The following SNX33 variants were observed in gnomAD, a reference collection of about 807,000 sequenced individuals.
SNX33 encodes the protein sorting nexin-33.
SNX33 carries 19 observed loss-of-function variants against 38.8 expected under a neutral mutation model. The observed-to-expected ratio is 0.49, with a 90% CI of 0.34 to 0.72. The LOEUF is 0.72. Among genes scored for constraint, SNX33 ranks in the 30% least tolerant of loss-of-function variants. The pLI is 0.01. For missense variants in SNX33, 641 were observed against 776.4 expected (o/e 0.83, Z 2.07); for synonymous variants, 246 against 289.7 (o/e 0.85, Z 1.53).
At chr15:75,653,937 C>CA (rs1048029393) in intron 1 of SNX33, among the ~76,000 whole-genome samples, 33 of 151,678 alleles carry the variant, frequency 2.2e-4, no homozygotes, top group African/African-American at 7.0e-4. Flanking sequence ...ACTAAAAATA[C>CA]AAAAAAATAG....
Position 75,648,666 on chromosome 15 carries a change from G to T in SNX33, c.-437G>T. 1 of 407,924 alleles carries T rather than the reference G, an allele frequency of 2.5e-6. No individual in the cohort carries two copies. The highest frequency in any genetic ancestry group is 3.3e-6 in the Non-Finnish European group (1 of 301,394). 25.3% of individuals were successfully genotyped at this position (407,924 alleles called of 1,614,324 possible). A position where few individuals can be genotyped will look rare whatever the true frequency, so the allele number is the denominator to read the frequency against. On this transcript the variant is annotated 5_prime_UTR_variant, in exon 1 of 2. Transcript: ENST00000308527. The surrounding 1 kb of genome is among the most constrained non-coding windows in gnomAD (Gnocchi z 4.4). ...AGAGGGACAGCCGAGCCCTGCCCGG[G>T]TTTCTGGAATGGTGGTTTCAGAGTG...
At position 75,649,119 on chromosome 15, in the gene SNX33, G is replaced by A. The variant is rs866932557; in HGVS notation, c.17G>A (p.Arg6Gln). 49 of 1,597,028 alleles carry A rather than the reference G, an allele frequency of 3.1e-5. No individual in the cohort carries two copies. The highest frequency in any genetic ancestry group is 3.7e-5 in the Non-Finnish European group (43 of 1,168,356). The change falls in exon 1 of 2, where the codon CGA (arginine) becomes CAA (glutamine). Residue 6 changes from arginine to glutamine, a missense_variant. By Grantham distance (43) the Arg-to-Gln change is conservative. Coordinates refer to ENST00000308527, the MANE Select transcript of SNX33 (RefSeq NM_153271.2). The surrounding 1 kb of genome is among the most constrained non-coding windows in gnomAD (Gnocchi z 6.6). MALKGRALYDFHSENK... is the reference protein window; with the variant it reads MALKGQALYDFHSENK... ...AGCCCAGCCATGGCACTGAAAGGCCGAGCCCTCTATGACTTTCACAGTGAG... is the reference window on the plus strand; with the variant it reads ...AGCCCAGCCATGGCACTGAAAGGCCAAGCCCTCTATGACTTTCACAGTGAG...
In SNX33 at chr15:75,648,721, G is replaced by A. The variant is rs1893530125; in HGVS notation, c.-382G>A. 4.5e-6 allele frequency: 1 copy of A among 224,288 alleles called. No homozygotes were observed. The highest frequency in any genetic ancestry group is 1.7e-4 in the South Asian group (1 of 6,038). 13.9% of individuals were successfully genotyped at this position (224,288 alleles called of 1,614,324 possible). On this transcript the variant is annotated 5_prime_UTR_variant, in exon 1 of 2. The change creates a new upstream start codon in the 5' untranslated region. Coordinates refer to ENST00000308527, the MANE Select transcript of SNX33 (RefSeq NM_153271.2). This position sits in a 1 kb window ranked among gnomAD's most constrained non-coding sequence, Gnocchi z 4.4. ...TCTTCTATTTTAGAACGTTGTTCCAGTGGAAAGTGTCGAATTTTTCCCCTC... is the reference window on the plus strand; with the variant it reads ...TCTTCTATTTTAGAACGTTGTTCCAATGGAAAGTGTCGAATTTTTCCCCTC...
rs185851385 is a variant in SNX33, at chr15:75,650,182, C to T, written c.1080C>T (p.Leu360=). Reference sequence around the variant, plus strand: ...AGATGGTGGGTGCCAGCTTCCTGCTCACCTTCCAGATCCCCACCGAGCACC... The same window carrying T: ...AGATGGTGGGTGCCAGCTTCCTGCTTACCTTCCAGATCCCCACCGAGCACC... ...KDEMVGASFL[L]TFQIPTEHQD... The change falls in exon 1 of 2, where the codon CTC becomes CTT. Residue 360 remains leucine, a synonymous_variant. Transcript: ENST00000308527. This position sits in a 1 kb window ranked among gnomAD's most constrained non-coding sequence, Gnocchi z 6.1. 13 of 1,606,014 alleles carry T rather than the reference C, an allele frequency of 8.1e-6. No homozygotes were observed. In the East Asian group the frequency reaches 1.1e-4, roughly 14 times the overall value.
intron 1 of SNX33, among the ~76,000 whole-genome samples, chr15:75,656,051 AC>A (rs996586661): frequency 6.6e-6 from 1 of 151,372 alleles, no homozygotes; most frequent in Non-Finnish European, 1.5e-5. Flanking sequence ...GTTCATCTCC[AC>A]CCCCCATCTG....
In SNX33 at chr15:75,657,438, T is replaced by C; in HGVS notation, c.*223T>C. ...GGGCACAGCAGGGGTGAGAATAGAG[T>C]CAGGAGCCCTCGAGGCCAAGGCCTG... On this transcript the variant is annotated 3_prime_UTR_variant, in exon 2 of 2. Transcript: ENST00000308527. This position sits in a 1 kb window ranked among gnomAD's most constrained non-coding sequence, Gnocchi z 5.5. 1.4e-6 allele frequency: 1 copy of C among 725,474 alleles called. No individual in the cohort carries two copies. Among genetic ancestry groups the C allele is most frequent in the Non-Finnish European group, 2.2e-6 (1 of 455,610 alleles). 44.9% of individuals were successfully genotyped at this position (725,474 alleles called of 1,614,324 possible).
Position 75,657,223 on chromosome 15 carries a change from T to G in SNX33, c.*8T>G, listed in dbSNP as rs1440388316. 1.9e-6 allele frequency: 3 copies of G among 1,613,246 alleles called. No individual in the cohort carries two copies. Among genetic ancestry groups the G allele is most frequent in the Non-Finnish European group, 2.5e-6 (3 of 1,179,432 alleles). ...ATGTATGACAACCTCTGACCGCGTGTGCCTGGGCCCCCTCCTTCCCCTGGG... is the reference window on the plus strand; with the variant it reads ...ATGTATGACAACCTCTGACCGCGTGGGCCTGGGCCCCCTCCTTCCCCTGGG... On this transcript the variant is annotated 3_prime_UTR_variant, in exon 2 of 2. Transcript: ENST00000308527. The surrounding 1 kb of genome is among the most constrained non-coding windows in gnomAD (Gnocchi z 5.5).
Position 75,660,664 on chromosome 15 carries a change from T to A in SNX33, c.*3449T>A, listed in dbSNP as rs1893713295. On this transcript the variant is annotated 3_prime_UTR_variant, in exon 2 of 2. Transcript: ENST00000308527. ...TTTGTCAGACACAGCCACACCACAGTCCTATGCACATGGTCATAGCCTCAC... is the reference window on the plus strand; with the variant it reads ...TTTGTCAGACACAGCCACACCACAGACCTATGCACATGGTCATAGCCTCAC... The A allele has an allele frequency of 1.3e-5, 2 of 152,726 alleles. No individual in the cohort carries two copies. Among genetic ancestry groups the A allele is most frequent in the Non-Finnish European group, 2.9e-5 (2 of 68,232 alleles). 9.5% of individuals were successfully genotyped at this position (152,726 alleles called of 1,614,324 possible).
chr15:75,655,933 T>C (rs1893648206), intron 1 of SNX33, among the ~76,000 whole-genome samples: 1 of 152,174 alleles, frequency 6.6e-6, no homozygotes, highest in Non-Finnish European at 1.5e-5. Context: ...CTGTCCCCAC[T>C]GGCTTAAAGG....
Position 75,649,604 on chromosome 15 carries a change from G to T in SNX33, c.502G>T (p.Asp168Tyr). 1 of 1,613,838 alleles carries T rather than the reference G, an allele frequency of 6.2e-7. No homozygotes were observed. Among genetic ancestry groups the T allele is most frequent in the East Asian group, 2.2e-5 (1 of 44,880 alleles). Residue 168 changes from aspartate to tyrosine, a missense_variant, in exon 1 of 2, where the codon GAC becomes TAC. Coordinates refer to ENST00000308527, the MANE Select transcript of SNX33 (RefSeq NM_153271.2). The surrounding 1 kb of genome is among the most constrained non-coding windows in gnomAD (Gnocchi z 6.6). The stretch of plus-strand genomic sequence containing the variant: ...GCCCAAGCCACCACTGGAGCGGCAG[G>T]ACAGCCTGGCATCTGCCAAGCGAGG... ...FRPKPPLERQ[D>Y]SLASAKRGSV... is the part of the protein sequence containing the mutation.
chr15:75,654,588 C>T (rs1489160660), intron 1 of SNX33, among the ~76,000 whole-genome samples: 1 of 152,212 alleles, frequency 6.6e-6, no homozygotes, highest in African/African-American at 2.4e-5. Context: ...AGTGCTGAGG[C>T]AGGAGGTCCC....
In SNX33 at chr15:75,660,229, G is replaced by A. The variant is rs1893706531; in HGVS notation, c.*3014G>A. On this transcript the variant is annotated 3_prime_UTR_variant, in exon 2 of 2. Transcript: ENST00000308527. ...CCAGTCTTGGCCCAGTACAGGAAAA[G>A]GAATCCGCTTTGTGGCCACAGATGG... is the stretch of plus-strand genomic sequence containing the variant. The A allele has an allele frequency of 6.6e-6, 1 of 152,256 alleles. No individual in the cohort carries two copies. The highest frequency in any genetic ancestry group is 1.5e-5 in the Non-Finnish European group (1 of 68,110). 9.4% of individuals were successfully genotyped at this position (152,256 alleles called of 1,614,324 possible).
chr15:75,650,782 C>T lies in SNX33; in HGVS notation c.1471+209C>T, dbSNP rs1893569640. On this transcript the variant is annotated intron_variant, in intron 1 of 1. Coordinates refer to ENST00000308527, the MANE Select transcript of SNX33 (RefSeq NM_153271.2). The surrounding 1 kb of genome is among the most constrained non-coding windows in gnomAD (Gnocchi z 6.1). ...GTTGAAGTAGGAGGATCACTTGGGC[C>T]CAGGAGGTTGAGACTACAGTGAGCC... is the stretch of plus-strand genomic sequence containing the variant. 2.6e-5 allele frequency among the ~76,000 whole-genome samples: 4 copies of T among 152,118 alleles called. No homozygotes were observed. The highest frequency in any genetic ancestry group is 2.6e-4 in the Admixed American group (4 of 15,260).
At chr15:75,654,306 C>A (rs776926363) in intron 1 of SNX33, among the ~76,000 whole-genome samples, 1 of 152,112 alleles carries the variant, frequency 6.6e-6, no homozygotes, top group Non-Finnish European at 1.5e-5. Flanking sequence ...GAGAGGTTGT[C>A]AACAGCATCA....
Position 75,650,313 on chromosome 15 carries a change from G to A in SNX33, c.1211G>A (p.Arg404His), listed in dbSNP as rs375078411. 1.8e-5 allele frequency: 29 copies of A among 1,594,616 alleles called. No individual in the cohort carries two copies. The highest frequency in any genetic ancestry group is 1.7e-5 in the Admixed American group (1 of 58,528). The change falls in exon 1 of 2, where the codon CGT (arginine) becomes CAT (histidine). Residue 404 changes from arginine to histidine, a missense_variant. Physicochemically the swap from Arg to His is conservative, Grantham distance 29. Transcript: ENST00000308527. The surrounding 1 kb of genome is among the most constrained non-coding windows in gnomAD (Gnocchi z 6.1). ...AGCACTGTGGCATCAGAGCTGGTGCGTAAACATGTGGGGGGCTTCCGCAAG... is the reference window on the plus strand; with the variant it reads ...AGCACTGTGGCATCAGAGCTGGTGCATAAACATGTGGGGGGCTTCCGCAAG... Reference protein sequence around the residue: ...QLSTVASELVRKHVGGFRKEF... With the variant: ...QLSTVASELVHKHVGGFRKEF...
Position 75,650,249 on chromosome 15 carries a change from G to C in SNX33, c.1147G>C (p.Ala383Pro). 6.3e-7 allele frequency: 1 copy of C among 1,587,664 alleles called. No homozygotes were observed. The highest frequency in any genetic ancestry group is 8.6e-7 in the Non-Finnish European group (1 of 1,164,994). The change falls in exon 1 of 2, where the codon GCC (alanine) becomes CCC (proline). Residue 383 changes from alanine (A) to proline (P), a missense_variant. Coordinates refer to ENST00000308527, the MANE Select transcript of SNX33 (RefSeq NM_153271.2). The surrounding 1 kb of genome is among the most constrained non-coding windows in gnomAD (Gnocchi z 6.1). ...GGAAGATCGCGTGGACACTTTCAAG[G>C]CCTTCAGTAAGAAGATGGACGACAG... Reference protein sequence around the residue: ...DVEDRVDTFKAFSKKMDDSVL... With the variant: ...DVEDRVDTFKPFSKKMDDSVL...
rs574554026 is a variant in SNX33 at position 75,650,228 on chromosome 15, G to T, written c.1126G>T (p.Asp376Tyr). 8 of 1,589,226 alleles carry T rather than the reference G, an allele frequency of 5.0e-6. No homozygotes were observed. Among genetic ancestry groups the T allele is most frequent in the Non-Finnish European group, 6.0e-6 (7 of 1,166,888 alleles). The change falls in exon 1 of 2, where the codon GAT (aspartate) becomes TAT (tyrosine). Residue 376 changes from aspartate (D) to tyrosine (Y), a missense_variant. Asp to Tyr is a radical substitution (Grantham distance 160). Transcript: ENST00000308527. The surrounding 1 kb of genome is among the most constrained non-coding windows in gnomAD (Gnocchi z 6.1). ...GCACCAGGACTTGCAGGACGTGGAAGATCGCGTGGACACTTTCAAGGCCTT... is the reference window on the plus strand; with the variant it reads ...GCACCAGGACTTGCAGGACGTGGAATATCGCGTGGACACTTTCAAGGCCTT... Reference protein sequence around the residue: ...TEHQDLQDVEDRVDTFKAFSK... With the variant: ...TEHQDLQDVEYRVDTFKAFSK...
Position 75,657,354 on chromosome 15 carries a change from A to T in SNX33, c.*139A>T. ...TAAGCGGCCTGTCCTGCCTCCTGGG[A>T]GAAGGAGCTTTCAAGGAGTCATGGG... On this transcript the variant is annotated 3_prime_UTR_variant, in exon 2 of 2. Coordinates refer to ENST00000308527, the MANE Select transcript of SNX33 (RefSeq NM_153271.2). This position sits in a 1 kb window ranked among gnomAD's most constrained non-coding sequence, Gnocchi z 5.5. The T allele has an allele frequency of 7.1e-7, 1 of 1,413,454 alleles. No individual in the cohort carries two copies. Among genetic ancestry groups the T allele is most frequent in the Non-Finnish European group, 9.6e-7 (1 of 1,042,814 alleles). The allele number at this position is 1,413,454 out of a possible 1,614,324, so 87.6% of individuals were successfully genotyped here. A position where few individuals can be genotyped will look rare whatever the true frequency, so the allele number is the denominator to read the frequency against.
Position 75,647,976 on chromosome 15 carries a change from C to T in SNX33, c.-1127C>T. ...GAGGGTCTGCGAGCGCCGGGGAAGG[C>T]AGGCTGGGGGCGCAGCCCGCCCCCC... is the stretch of plus-strand genomic sequence containing the variant. On this transcript the variant is annotated 5_prime_UTR_variant, in exon 1 of 2. Coordinates refer to ENST00000308527, the MANE Select transcript of SNX33 (RefSeq NM_153271.2). 3.0e-6 allele frequency: 3 copies of T among 985,380 alleles called. No individual in the cohort carries two copies. The highest frequency in any genetic ancestry group is 2.4e-6 in the Non-Finnish European group (2 of 829,912). 61.0% of individuals were successfully genotyped at this position (985,380 alleles called of 1,614,324 possible). A position where few individuals can be genotyped will look rare whatever the true frequency, so the allele number is the denominator to read the frequency against.
Sources: gnomAD v4.1 joint callset for allele counts (sites outside exome capture counted in the v4.1 genomes callset) on GRCh38, gnomAD v4.1.1 for gene constraint, Gnocchi (gnomAD v3.1) non-coding constraint, MANE v1.5 for transcripts, NCBI Gene and HGNC (gene_info 2026-07-23, HGNC 2026-07-21) for gene names.